KDM5B: variants seen among roughly 807,000 people sequenced by gnomAD.
The protein encoded by KDM5B is lysine demethylase 5B, also known as lysine-specific demethylase 5B.
Under a neutral mutation model 193.4 loss-of-function variants are expected in KDM5B, and 144 were observed. The ratio of observed to expected loss-of-function variants is 0.74; its 90% CI spans 0.65 to 0.86. The LOEUF (loss-of-function observed/expected upper bound fraction) is 0.86. Among genes scored for constraint, KDM5B ranks in the 40% least tolerant of loss-of-function variants. The pLI is 0.00. For synonymous variants in KDM5B, 668 were observed against 682.6 expected, an observed-to-expected ratio of 0.98 and a Z score of 0.33; for missense variants, 1,833 against 1,886.9, an observed-to-expected ratio of 0.97 and a Z score of 0.53.
chr1:202,800,077 C>T (rs1320421571), intron 1 of KDM5B, among the ~76,000 whole-genome samples: 1 of 152,188 alleles, frequency 6.6e-6, no homozygotes, highest in Non-Finnish European at 1.5e-5. Flanking sequence ...CGGAGTCTTG[C>T]TCTGTCACCA....
Position 202,729,786 on chromosome 1 carries a change from G to A in KDM5B, c.4418C>T (p.Ser1473Phe), listed in dbSNP as rs767942382. The A allele has an allele frequency of 2.0e-5, 32 of 1,613,996 alleles. No individual in the cohort carries two copies. Among genetic ancestry groups the A allele is most frequent in the Non-Finnish European group, 2.7e-5 (32 of 1,179,972 alleles). Reference protein sequence around the residue: ...AETHSLPSDTSYSEQEDSEDE... With the variant: ...AETHSLPSDTFYSEQEDSEDE... ...CTCAGAGTCTTCCTGTTCGGAATAG[G>A]ATGTGTCTGAGGGCAGGGAATGAGT... Residue 1473 changes from serine (S) to phenylalanine (F), a missense_variant, in exon 26 of 27, where the codon TCC becomes TTC. Ser to Phe is a radical substitution (Grantham distance 155). Around this residue, in one of 3 missense-constraint regions of KDM5B, gnomAD observed 1,379 missense variants for 1,349.6 expected, o/e 1.02. Transcript: ENST00000367265.
intron 1 of KDM5B, 133 bp from the exon 2 acceptor site, chr1:202,777,227 G>T (rs1656993235): frequency 1.6e-6 from 1 of 643,078 alleles, no homozygotes; most frequent in South Asian, 1.9e-5. Context: ...CAGAGTAGTG[G>T]TTTCTCAACC....
In KDM5B at chr1:202,762,776, G is replaced by A. The variant is rs767569381; in HGVS notation, c.841C>T (p.Pro281Ser). The change falls in exon 7 of 27, where the codon CCT becomes TCT. Residue 281 changes from proline to serine, a missense_variant. By Grantham distance (74) the Pro-to-Ser change is moderately conservative. Around this residue, in one of 3 missense-constraint regions of KDM5B, gnomAD observed 355 missense variants for 374.9 expected, o/e 0.95. Transcript: ENST00000367265. ...ACAATATAATCTTTCCTCTCAATAG[G>A]TTCTTGCTTGATGCTACTCTTCATT... is the stretch of plus-strand genomic sequence containing the variant. ...KEMKSSIKQE[P>S]IERKDYIVEN... 8.9e-5 allele frequency: 143 copies of A among 1,609,488 alleles called. No individual in the cohort carries two copies. Among genetic ancestry groups the A allele is most frequent in the Non-Finnish European group, 1.1e-4 (135 of 1,176,066 alleles).
At chr1:202,784,943 A>T (rs999803501) in intron 1 of KDM5B, among the ~76,000 whole-genome samples, 6 of 151,656 alleles carry the variant, frequency 4.0e-5, no homozygotes, top group African/African-American at 1.5e-4. Context: ...TTGAGGCATG[A>T]TAATTGCTTG....
At chr1:202,761,168 C>T (rs779899349) in intron 7 of KDM5B, among the ~76,000 whole-genome samples, 11 of 152,152 alleles carry the variant, frequency 7.2e-5, no homozygotes, top group African/African-American at 2.4e-4. Context: ...AGGCCTGGCA[C>T]GGTGGCTTAA....
chr1:202,756,130 C>A (rs1477466133), intron 10 of KDM5B, among the ~76,000 whole-genome samples: 1 of 152,082 alleles, frequency 6.6e-6, no homozygotes, highest in African/African-American at 2.4e-5. Context: ...GAAGGAGAAA[C>A]CAAGGTTATA....
chr1:202,804,093 G>GA (rs202181316), intron 1 of KDM5B, among the ~76,000 whole-genome samples: 62 of 150,742 alleles, frequency 4.1e-4, no homozygotes, highest in South Asian at 2.5e-3. Context: ...TTAAAAAAAG[G>GA]AAAAAAAAAG....
At chr1:202,770,796 T>C (rs1253302171) in intron 4 of KDM5B, among the ~76,000 whole-genome samples, 1 of 152,230 alleles carries the variant, frequency 6.6e-6, no homozygotes, top group East Asian at 1.9e-4. Context: ...GGAGTGATTT[T>C]ATTTTTGCCA....
Position 202,796,698 on chromosome 1 carries a change from C to A in KDM5B, c.204+11404G>T. 3 of 177,236 alleles carry A rather than the reference C, an allele frequency of 1.7e-5. No homozygotes were observed. In the South Asian group the frequency reaches 4.2e-4, roughly 25 times the overall value. The allele number at this position is 177,236 out of a possible 1,614,324, so 11.0% of individuals were successfully genotyped here. Reference sequence around the variant, plus strand: ...ACTCTCCTTAGAAATGTGCCCTTCTCAGCCCTGTACTGGTTCAACTACGAG... The same window carrying A: ...ACTCTCCTTAGAAATGTGCCCTTCTAAGCCCTGTACTGGTTCAACTACGAG... On this transcript the variant is annotated intron_variant, in intron 1 of 26. Coordinates refer to ENST00000367265, the MANE Select transcript of KDM5B (RefSeq NM_006618.5).
chr1:202,743,564 G>A (rs77312600), intron 16 of KDM5B, among the ~76,000 whole-genome samples: 1,714 of 152,214 alleles, frequency 0.011, 17 homozygotes, highest in Admixed American at 0.027. Flanking sequence ...AAATAAAAGC[G>A]GGTGGAGTTA....
At position 202,794,388 on chromosome 1, in the gene KDM5B, A is replaced by G. The variant is rs554026462; in HGVS notation, c.204+13714T>C. On this transcript the variant is annotated intron_variant, in intron 1 of 26. Coordinates refer to ENST00000367265, the MANE Select transcript of KDM5B (RefSeq NM_006618.5). ...CTGTAGCCTGTAGTATGTATGCCCC[A>G]TAAGAATATGTGCTTAATGAAAAGT... Among the ~76,000 whole-genome samples, 7 of 152,350 alleles carry G rather than the reference A, an allele frequency of 4.6e-5. No individual in the cohort carries two copies. In the South Asian group the frequency reaches 1.4e-3, roughly 32 times the overall value.
intron 12 of KDM5B, among the ~76,000 whole-genome samples, chr1:202,751,300 C>T (rs191985399): frequency 6.6e-5 from 10 of 152,140 alleles, no homozygotes; most frequent in Admixed American, 6.6e-4. Flanking sequence ...TATTAGATTC[C>T]TTTTCAAGCA....
intron 1 of KDM5B, among the ~76,000 whole-genome samples, chr1:202,782,994 A>G (rs1252491137): frequency 3.9e-5 from 6 of 152,190 alleles, no homozygotes. Flanking sequence ...GCCTGTAATC[A>G]CAGCACTTTC....
chr1:202,748,409 T>TC (rs1558489973), intron 14 of KDM5B, among the ~76,000 whole-genome samples: 1 of 151,764 alleles, frequency 6.6e-6, no homozygotes, highest in Non-Finnish European at 1.5e-5. Context: ...AAACTGGACT[T>TC]CATCAAAATG....
Position 202,808,415 on chromosome 1 carries a change from G to T in KDM5B, c.-110C>A. The T allele has an allele frequency of 1.0e-6, 1 of 992,096 alleles. No homozygotes were observed. The highest frequency in any genetic ancestry group is 1.4e-6 in the Non-Finnish European group (1 of 692,538). 61.5% of individuals were successfully genotyped at this position (992,096 alleles called of 1,614,324 possible). On this transcript the variant is annotated 5_prime_UTR_variant, in exon 1 of 27. Transcript: ENST00000367265. ...GCGGCTCGAGCAACAGCAAGTCCGA[G>T]TTGTACGGGCAACGGCAGCACCTTG... is the stretch of plus-strand genomic sequence containing the variant.
chr1:202,804,079 T>A (rs918688663), intron 1 of KDM5B, among the ~76,000 whole-genome samples: 1 of 151,668 alleles, frequency 6.6e-6, no homozygotes, highest in African/African-American at 2.4e-5. Context: ...ACTTAAAGTA[T>A]AATTTAAAAA....
chr1:202,773,751 T>A (rs1656817823), intron 3 of KDM5B, among the ~76,000 whole-genome samples: 1 of 149,982 alleles, frequency 6.7e-6, no homozygotes, highest in Admixed American at 6.8e-5. Context: ...TTTTTTTTTT[T>A]TCTGAGATGG....
chr1:202,744,281 C>T lies in KDM5B; in HGVS notation c.2324-1476G>A, dbSNP rs529116417. Among the ~76,000 whole-genome samples, 36 of 152,280 alleles carry T rather than the reference C, an allele frequency of 2.4e-4. 1 individual carries two copies. The highest frequency in any genetic ancestry group is 2.1e-4 in the South Asian group (1 of 4,824). On this transcript the variant is annotated intron_variant, in intron 16 of 26. Transcript: ENST00000367265. ...GCAAATCAAAACTACAATGAAAGGC[C>T]GGGCGCAGTGGCTCACGCCTGTAAT...
intron 13 of KDM5B, 106 bp from the exon 14 acceptor site, chr1:202,749,245 A>C: frequency 3.1e-6 from 3 of 963,588 alleles, no homozygotes; most frequent in Middle Eastern, 4.4e-4. Context: ...TATGGGTCTT[A>C]ACACGTATCA....
Sources: allele counts gnomAD v4.1 joint callset (sites outside exome capture counted in the v4.1 genomes callset), GRCh38; gene constraint gnomAD v4.1.1; regional missense constraint gnomAD v4.1.1; transcripts MANE v1.5; gene names NCBI Gene and HGNC (gene_info 2026-07-23, HGNC 2026-07-21).